The following DBX2 variants were observed in gnomAD, a reference collection of about 807,000 sequenced individuals.
DBX2 encodes homeobox protein DBX2.
DBX2 carries 16 observed loss-of-function variants against 17.7 expected under a neutral mutation model. The observed-to-expected ratio is 0.90, with a 90% CI of 0.61 to 1.37. The LOEUF is 1.37. DBX2 is among the 40% of genes most tolerant of loss of function. The probability of loss-of-function intolerance (pLI) is 0.00; values close to 1 mark genes in which losing one functional copy is unlikely to be tolerated. For synonymous variants in DBX2, 255 were observed against 183.8 expected (o/e 1.39, Z -3.13); for missense variants, 538 against 433.8 (o/e 1.24, Z -2.13).
intron 2 of DBX2, among the ~76,000 whole-genome samples, chr12:45,031,211 T>TGC: frequency 1.1e-5 from 1 of 90,538 alleles, no homozygotes; most frequent in Non-Finnish European, 2.2e-5. Flanking sequence ...TGTGTGTGTG[T>TGC]GTGTGTGTGT....
chr12:45,050,125 A>G (rs1479890366), intron 1 of DBX2, among the ~76,000 whole-genome samples: 1 of 152,142 alleles, frequency 6.6e-6, no homozygotes, highest in Non-Finnish European at 1.5e-5. Flanking sequence ...CTTTTCTGAG[A>G]GCTGGTGTCG....
chr12:45,039,078 A>G (rs537534568), intron 1 of DBX2, among the ~76,000 whole-genome samples: 105 of 151,598 alleles, frequency 6.9e-4, no homozygotes, highest in African/African-American at 2.2e-3. Context: ...GTTTAAGTCA[A>G]TTCCTGATTG....
chr12:45,020,819 G>A (rs906300991), intron 3 of DBX2, among the ~76,000 whole-genome samples: 1 of 151,820 alleles, frequency 6.6e-6, no homozygotes, highest in African/African-American at 2.4e-5. Context: ...GCATGCAAGT[G>A]TTTGTGTTAT....
intron 1 of DBX2, among the ~76,000 whole-genome samples, chr12:45,047,099 A>C (rs1199659307): frequency 6.6e-6 from 1 of 152,216 alleles, no homozygotes; most frequent in East Asian, 1.9e-4. Flanking sequence ...AATTGATGGC[A>C]TAACCACCAA....
At chr12:45,050,317 G>C (rs554636932) in intron 1 of DBX2, among the ~76,000 whole-genome samples, 2 of 152,274 alleles carry the variant, frequency 1.3e-5, no homozygotes, top group African/African-American at 4.8e-5. Context: ...GGATGGGATG[G>C]GGCAAAAAAG....
chr12:45,031,209 TGTGTGTGTGTGTGTGTGAGA>T (rs1946407591), intron 2 of DBX2, among the ~76,000 whole-genome samples: 1 of 86,694 alleles, frequency 1.2e-5, no homozygotes, highest in African/African-American at 4.4e-5. Flanking sequence ...TGTGTGTGTG[TGTGTGTGTGTGTGTGTGAGA>T]GAGAGAGAGA....
At chr12:45,035,649 T>C (rs1413372383) in intron 2 of DBX2, among the ~76,000 whole-genome samples, 1 of 152,356 alleles carries the variant, frequency 6.6e-6, no homozygotes, top group South Asian at 2.1e-4. Flanking sequence ...TTAAGTGGAA[T>C]GGAAATTTTA....
Position 45,016,579 on chromosome 12 carries a change from T to C in DBX2, c.727A>G (p.Asn243Asp). The change falls in exon 4 of 4, where the codon AAT becomes GAT. Residue 243 changes from asparagine (N) to aspartate (D), a missense_variant. Physicochemically the swap from Asn to Asp is conservative, Grantham distance 23. Transcript: ENST00000332700. ...GAAAGCACTTCCTTTTCTTTGGAATTCCGCCATTTCATCCTCCTGTTCTGA... is the reference window on the plus strand; with the variant it reads ...GAAAGCACTTCCTTTTCTTTGGAATCCCGCCATTTCATCCTCCTGTTCTGA... ...WFQNRRMKWR[N>D]SKEKEVLSNR... is the part of the protein sequence containing the mutation. The C allele has an allele frequency of 6.4e-7, 1 of 1,552,912 alleles. No homozygotes were observed. Among genetic ancestry groups the C allele is most frequent in the Non-Finnish European group, 8.7e-7 (1 of 1,153,312 alleles).
At chr12:45,020,690 T>TATATACAC (rs766753844) in intron 3 of DBX2, among the ~76,000 whole-genome samples, 9 of 148,440 alleles carry the variant, frequency 6.1e-5, no homozygotes, top group Non-Finnish European at 1.0e-4. Context: ...TATATATATA[T>TATATACAC]ACACACACAC....
At chr12:45,035,322 G>A (rs1946434038) in intron 2 of DBX2, among the ~76,000 whole-genome samples, 1 of 152,150 alleles carries the variant, frequency 6.6e-6, no homozygotes, top group African/African-American at 2.4e-5. Flanking sequence ...CAAATTCCCT[G>A]CCTAGATGTT....
intron 1 of DBX2, among the ~76,000 whole-genome samples, chr12:45,042,618 TC>T (rs1946477720): frequency 6.6e-6 from 1 of 152,226 alleles, no homozygotes; most frequent in African/African-American, 2.4e-5. Context: ...TTTCATTTAA[TC>T]TGTAGTCAAA....
intron 3 of DBX2, among the ~76,000 whole-genome samples, chr12:45,017,330 G>A (rs1345747506): frequency 1.3e-5 from 2 of 152,016 alleles, no homozygotes; most frequent in Admixed American, 6.6e-5. Flanking sequence ...TAATTTGATC[G>A]TCACAATGGC....
intron 2 of DBX2, among the ~76,000 whole-genome samples, chr12:45,028,038 A>G (rs1241419704): frequency 6.6e-6 from 1 of 152,244 alleles, no homozygotes; most frequent in East Asian, 1.9e-4. Context: ...CACCTAGAAG[A>G]ACAGCAATTC....
chr12:45,035,768 A>C (rs985407461), intron 2 of DBX2, among the ~76,000 whole-genome samples: 4 of 152,162 alleles, frequency 2.6e-5, no homozygotes, highest in African/African-American at 9.7e-5. Context: ...CTTTTATATC[A>C]AATGGAAAAC....
chr12:45,050,421 G>A (rs1270648673), intron 1 of DBX2, 104 bp downstream of exon 1: 6 of 1,432,198 alleles, frequency 4.2e-6, no homozygotes, highest in Non-Finnish European at 5.5e-6. Flanking sequence ...TTCCCAAACC[G>A]GCTCTCCCTG....
At chr12:45,029,911 T>TAAATAAAA (rs1478147925) in intron 2 of DBX2, among the ~76,000 whole-genome samples, 29 of 144,408 alleles carry the variant, frequency 2.0e-4, no homozygotes, top group Admixed American at 1.3e-3. Context: ...AATAAATAAA[T>TAAATAAAA]AAAAATAAAG....
chr12:45,020,673 A>ATG (rs1338315040), intron 3 of DBX2, among the ~76,000 whole-genome samples: 19 of 90,910 alleles, frequency 2.1e-4, no homozygotes, highest in African/African-American at 6.5e-4. Flanking sequence ...ATGTATATAT[A>ATG]TGTATATATA....
chr12:45,026,844 C>T (rs545745785), intron 2 of DBX2, among the ~76,000 whole-genome samples: 1 of 152,288 alleles, frequency 6.6e-6, no homozygotes, highest in South Asian at 2.1e-4. Context: ...TGAAGGTCTA[C>T]TTTCATTGAT....
intron 3 of DBX2, among the ~76,000 whole-genome samples, chr12:45,022,594 G>A (rs567387771): frequency 2.2e-4 from 34 of 152,102 alleles, no homozygotes; most frequent in East Asian, 7.8e-4. Flanking sequence ...GTGAGCCACC[G>A]CGCCCGGCCA....
Sources: allele counts gnomAD v4.1 joint callset (sites outside exome capture counted in the v4.1 genomes callset), GRCh38; gene constraint gnomAD v4.1.1; transcripts MANE v1.5; gene names NCBI Gene and HGNC (gene_info 2026-07-23, HGNC 2026-07-21).